MARK3: variants seen among roughly 807,000 people sequenced by gnomAD.
The protein encoded by MARK3 is microtubule affinity regulating kinase 3.
Under a neutral mutation model 90.1 loss-of-function variants are expected in MARK3, and 46 were observed. The ratio of observed to expected loss-of-function variants is 0.51; its 90% CI spans 0.40 to 0.65. The LOEUF (loss-of-function observed/expected upper bound fraction) is 0.65. MARK3 is among the 30% of genes least tolerant of loss of function. MARK3 has a pLI of 0.00. For missense variants in MARK3, 818 were observed against 947.2 expected, an observed-to-expected ratio of 0.86 and a Z score of 1.79; for synonymous variants, 321 against 332.6, an observed-to-expected ratio of 0.97 and a Z score of 0.38.
intron 14 of MARK3, chr14:103,490,311 C>G (rs2093995486): frequency 6.6e-6 from 1 of 151,942 alleles, no homozygotes; most frequent in African/African-American, 2.4e-5. Context: ...AACCCTGTCT[C>G]AAAAAAACAC....
At chr14:103,495,814 C>A (rs1566943985) in intron 15 of MARK3, among the ~76,000 whole-genome samples, 1 of 152,194 alleles carries the variant, frequency 6.6e-6, no homozygotes, top group Non-Finnish European at 1.5e-5. Context: ...TTCTTAAAAA[C>A]AATCAAAATC....
At chr14:103,404,642 G>T (rs539328972) in intron 1 of MARK3, among the ~76,000 whole-genome samples, 2 of 152,162 alleles carry the variant, frequency 1.3e-5, no homozygotes, top group Non-Finnish European at 2.9e-5. Context: ...CGGGAATCCA[G>T]ATTCTCTATG....
At chr14:103,498,224 G>C (rs909483636) in intron 15 of MARK3, among the ~76,000 whole-genome samples, 2 of 147,642 alleles carry the variant, frequency 1.4e-5, no homozygotes, top group African/African-American at 5.0e-5. Context: ...AAAAAAAAAA[G>C]TGTGTCCATC....
intron 14 of MARK3, among the ~76,000 whole-genome samples, chr14:103,487,686 G>A (rs1407123810): frequency 6.6e-6 from 1 of 152,134 alleles, no homozygotes; most frequent in African/African-American, 2.4e-5. Context: ...AGAGTGTGTT[G>A]ACCCTGGACT....
At chr14:103,463,284 C>A (rs746329860) in intron 7 of MARK3, among the ~76,000 whole-genome samples, 8 of 152,060 alleles carry the variant, frequency 5.3e-5, no homozygotes, top group Non-Finnish European at 8.8e-5. Context: ...TTTCACTCTC[C>A]CCTTACGTAA....
At chr14:103,393,461 GA>G (rs371038092) in intron 1 of MARK3, among the ~76,000 whole-genome samples, 22 of 146,964 alleles carry the variant, frequency 1.5e-4, no homozygotes, top group African/African-American at 4.5e-4. Flanking sequence ...TCTTAAGAAA[GA>G]AAAAAAAAAG....
At chr14:103,421,245 T>C (rs1231533805) in intron 2 of MARK3, among the ~76,000 whole-genome samples, 2 of 152,178 alleles carry the variant, frequency 1.3e-5, no homozygotes, top group Non-Finnish European at 1.5e-5. Context: ...TAAAACAAAC[T>C]TATGTATTAA....
At chr14:103,437,624 C>G (rs1045858675) in intron 3 of MARK3, among the ~76,000 whole-genome samples, 6 of 152,132 alleles carry the variant, frequency 3.9e-5, no homozygotes, top group Non-Finnish European at 8.8e-5. Flanking sequence ...ACTTATTATG[C>G]TATTTTAGAA....
intron 12 of MARK3, among the ~76,000 whole-genome samples, chr14:103,471,068 A>C (rs1019101131): frequency 6.6e-6 from 1 of 152,100 alleles, no homozygotes; most frequent in Non-Finnish European, 1.5e-5. Context: ...TGACGTGTTG[A>C]TCTAGGTCTG....
intron 2 of MARK3, chr14:103,412,612 C>T (rs4900573): frequency 0.099 from 97,114 of 981,624 alleles, 11,817 homozygotes; most frequent in East Asian, 0.3. Context: ...TGACGGTGCC[C>T]GAGAAGCGCT....
intron 3 of MARK3, among the ~76,000 whole-genome samples, chr14:103,447,876 TG>T: frequency 1.3e-5 from 2 of 152,158 alleles, no homozygotes; most frequent in South Asian, 4.2e-4. Flanking sequence ...CAGGCTCAAG[TG>T]ATTCTCTTGC....
Position 103,500,151 on chromosome 14 carries a change from T to C in MARK3, c.1872-5T>C, listed in dbSNP as rs773260442. The C allele has an allele frequency of 3.7e-6, 6 of 1,610,700 alleles. No individual in the cohort carries two copies. The highest frequency in any genetic ancestry group is 4.2e-6 in the Non-Finnish European group (5 of 1,177,692). On this transcript the variant is annotated splice_polypyrimidine_tract_variant and splice_region_variant and intron_variant, in intron 16 of 17. Transcript: ENST00000429436. Reference sequence around the variant, plus strand: ...TCTCTCTGCTTCTACATTCTGTTCATTGAGGCTTCCAACTGAATATGAGAG... The same window carrying C: ...TCTCTCTGCTTCTACATTCTGTTCACTGAGGCTTCCAACTGAATATGAGAG...
chr14:103,490,857 G>A, intron 14 of MARK3: 1 of 677,888 alleles, frequency 1.5e-6, no homozygotes, highest in Non-Finnish European at 1.9e-6. Context: ...GAGATGGCTT[G>A]GGAGGAAGGT....
intron 12 of MARK3, among the ~76,000 whole-genome samples, chr14:103,472,711 C>A (rs1006701112): frequency 2.0e-5 from 3 of 146,644 alleles, no homozygotes; most frequent in Non-Finnish European, 4.5e-5. Context: ...CTACTACTCA[C>A]AATAAAAAGG....
At chr14:103,394,000 C>T (rs892508315) in intron 1 of MARK3, among the ~76,000 whole-genome samples, 1 of 152,186 alleles carries the variant, frequency 6.6e-6, no homozygotes, top group African/African-American at 2.4e-5. Context: ...TCCCAAAGTG[C>T]TGGGATTACA....
intron 1 of MARK3, among the ~76,000 whole-genome samples, chr14:103,404,339 A>G (rs986791215): frequency 6.6e-6 from 1 of 152,172 alleles, no homozygotes; most frequent in Non-Finnish European, 1.5e-5. Flanking sequence ...AACAGCCACA[A>G]TGGGGAAAGG....
rs1328038866 is a variant in MARK3, at chr14:103,475,180, T to G, written c.1452T>G (p.Pro484=). The G allele has an allele frequency of 1.2e-6, 2 of 1,613,686 alleles. No individual in the cohort carries two copies. Among genetic ancestry groups the G allele is most frequent in the South Asian group, 1.1e-5 (1 of 91,042 alleles). Reference sequence around the variant, plus strand: ...GTAATCCTAATAAGGCGGATATTCCTGAACGCAAGAAAAGCTCCACTGTCC... The same window carrying G: ...GTAATCCTAATAAGGCGGATATTCCGGAACGCAAGAAAAGCTCCACTGTCC... ...NASNPNKADI[P]ERKKSSTVPS... Residue 484 remains proline (P), a synonymous_variant, in exon 13 of 18, where the codon CCT becomes CCG. Coordinates refer to ENST00000429436, the MANE Select transcript of MARK3 (RefSeq NM_001128918.3).
intron 2 of MARK3, among the ~76,000 whole-genome samples, chr14:103,414,848 G>A (rs1429997387): frequency 1.3e-5 from 2 of 152,124 alleles, no homozygotes; most frequent in Middle Eastern, 3.4e-3. Context: ...AGATACTCAC[G>A]AAGGCCGGGC....
At chr14:103,492,084 A>T (rs2094026922) in intron 15 of MARK3, 50 bp downstream of exon 15, 1 of 1,582,862 alleles carries the variant, frequency 6.3e-7, no homozygotes, top group Non-Finnish European at 8.6e-7. Context: ...GAGCAAAAGG[A>T]AAGATGTCTT....
Sources: gnomAD v4.1 joint callset for allele counts (sites outside exome capture counted in the v4.1 genomes callset) on GRCh38, gnomAD v4.1.1 for gene constraint, MANE v1.5 for transcripts, NCBI Gene and HGNC (gene_info 2026-07-23, HGNC 2026-07-21) for gene names.